Variants in ST8SIA2 observed in about 807,000 individuals in gnomAD.
The protein encoded by ST8SIA2 is alpha-2,8-sialyltransferase 8B.
ST8SIA2 carries 22 observed loss-of-function variants against 37.6 expected under a neutral mutation model. The observed-to-expected ratio is 0.58, with a 90% CI of 0.42 to 0.83. The LOEUF is 0.83. Among genes scored for constraint, ST8SIA2 ranks in the 40% least tolerant of loss-of-function variants. ST8SIA2 has a pLI of 0.00. For missense variants in ST8SIA2, 382 were observed against 484.7 expected, an observed-to-expected ratio of 0.79 and a Z score of 1.99; for synonymous variants, 205 against 201.2, an observed-to-expected ratio of 1.02 and a Z score of -0.16.
chr15:92,466,530 C>G lies in ST8SIA2; in HGVS notation c.*2145C>G, dbSNP rs1368557398. 1 of 152,286 alleles carries G rather than the reference C, an allele frequency of 6.6e-6. No individual in the cohort carries two copies. Among genetic ancestry groups the G allele is most frequent in the Non-Finnish European group, 1.5e-5 (1 of 68,134 alleles). The allele number at this position is 152,286 out of a possible 1,614,324, so 9.4% of individuals were successfully genotyped here. A position where few individuals can be genotyped will look rare whatever the true frequency, so the allele number is the denominator to read the frequency against. ...TGGAGTTGGCCCTGAGCTCTATCCA[C>G]CAAGCCAGCACCCCACCATCCCTTT... On this transcript the variant is annotated 3_prime_UTR_variant, in exon 6 of 6. Coordinates refer to ENST00000268164, the MANE Select transcript of ST8SIA2 (RefSeq NM_006011.4).
intron 1 of ST8SIA2, among the ~76,000 whole-genome samples, chr15:92,413,266 A>G (rs2049562944): frequency 6.6e-6 from 1 of 152,224 alleles, no homozygotes; most frequent in Admixed American, 6.5e-5. Flanking sequence ...CTCCTCTCAG[A>G]AAACTTTTAA....
chr15:92,407,197 G>A (rs1416834813), intron 1 of ST8SIA2, among the ~76,000 whole-genome samples: 1 of 152,154 alleles, frequency 6.6e-6, no homozygotes, highest in East Asian at 1.9e-4. Context: ...TTAGGAAACA[G>A]AAAAAGAACT....
At chr15:92,407,732 T>G (rs1399517780) in intron 1 of ST8SIA2, among the ~76,000 whole-genome samples, 9 of 152,184 alleles carry the variant, frequency 5.9e-5, no homozygotes, top group Admixed American at 3.3e-4. Flanking sequence ...CTCTTCCAGA[T>G]AAAGAAAGTC....
chr15:92,444,917 A>T lies in ST8SIA2; in HGVS notation c.830A>T (p.His277Leu). ...RTAYPSLRLL[H>L]AVRGYWLTNK... ...GCATACCCCTCGCTGCGCCTGCTGC[A>T]CGCCGTTCGCGGGTGAGCGGCCTCC... Residue 277 changes from histidine (H) to leucine (L), a missense_variant, in exon 5 of 6, where the codon CAC (histidine) becomes CTC (leucine). Transcript: ENST00000268164. The T allele has an allele frequency of 2.5e-6, 4 of 1,611,710 alleles. No homozygotes were observed. The highest frequency in any genetic ancestry group is 3.4e-6 in the Non-Finnish European group (4 of 1,180,034).
chr15:92,458,209 A>G (rs1046519318), intron 5 of ST8SIA2, among the ~76,000 whole-genome samples: 2 of 152,186 alleles, frequency 1.3e-5, no homozygotes, highest in Non-Finnish European at 2.9e-5. Flanking sequence ...CCAATCAGGG[A>G]TTCGGGGATC....
At chr15:92,398,847 T>C (rs1210256594) in intron 1 of ST8SIA2, among the ~76,000 whole-genome samples, 1 of 152,228 alleles carries the variant, frequency 6.6e-6, no homozygotes, top group African/African-American at 2.4e-5. Flanking sequence ...TGTTAACGAA[T>C]ATATCTGAAG....
At chr15:92,462,228 G>A (rs2049962575) in intron 5 of ST8SIA2, among the ~76,000 whole-genome samples, 1 of 152,192 alleles carries the variant, frequency 6.6e-6, no homozygotes, top group South Asian at 2.1e-4. Context: ...CCATAGTCGG[G>A]ATGGGGGGTG....
At chr15:92,441,882 G>A (rs867813804) in intron 4 of ST8SIA2, among the ~76,000 whole-genome samples, 67 of 152,172 alleles carry the variant, frequency 4.4e-4, no homozygotes, top group African/African-American at 1.5e-3. Context: ...GCCAGGCAGT[G>A]GACCAGGTAG....
chr15:92,434,682 G>A (rs1310034407), intron 3 of ST8SIA2, among the ~76,000 whole-genome samples: 1 of 152,210 alleles, frequency 6.6e-6, no homozygotes, highest in Non-Finnish European at 1.5e-5. Flanking sequence ...GAGGCCACAG[G>A]TGGCTGCTTC....
At chr15:92,435,969 C>G (rs565598900) in intron 3 of ST8SIA2, among the ~76,000 whole-genome samples, 1 of 152,254 alleles carries the variant, frequency 6.6e-6, no homozygotes, top group Non-Finnish European at 1.5e-5. Context: ...AAGGGAGAAC[C>G]CATCCTCTCA....
intron 1 of ST8SIA2, among the ~76,000 whole-genome samples, chr15:92,424,113 A>G (rs2049656566): frequency 6.6e-6 from 1 of 152,264 alleles, no homozygotes; most frequent in Admixed American, 6.5e-5. Flanking sequence ...CTGCAAATTC[A>G]TGAATTGTGC....
chr15:92,437,030 A>G (rs2049764083), intron 3 of ST8SIA2, among the ~76,000 whole-genome samples: 1 of 152,230 alleles, frequency 6.6e-6, no homozygotes, highest in South Asian at 2.1e-4. Flanking sequence ...AACGTACCAT[A>G]GGTTGTGAAC....
At chr15:92,405,017 T>C (rs2049497665) in intron 1 of ST8SIA2, among the ~76,000 whole-genome samples, 1 of 152,084 alleles carries the variant, frequency 6.6e-6, no homozygotes, top group South Asian at 2.1e-4. Flanking sequence ...TCCCAGCTCT[T>C]AGGGAGGCAC....
Position 92,434,352 on chromosome 15 carries a change from C to T in ST8SIA2, c.267C>T (p.Asn89=). The T allele has an allele frequency of 3.1e-6, 5 of 1,614,158 alleles. No individual in the cohort carries two copies. Among genetic ancestry groups the T allele is most frequent in the Non-Finnish European group, 4.2e-6 (5 of 1,180,036 alleles). Residue 89 remains asparagine (N), a synonymous_variant, in exon 3 of 6, where the codon AAC becomes AAT. Transcript: ENST00000268164. ...CAGCCTCGTCCAAATGGAGACATAA[C>T]CAGACGCTCTCTCTGAGGATCAGGT... ...IQPASSKWRH[N]QTLSLRIRKQ...
intron 1 of ST8SIA2, among the ~76,000 whole-genome samples, chr15:92,399,566 G>A (rs1330753557): frequency 2.0e-5 from 3 of 152,158 alleles, no homozygotes; most frequent in Non-Finnish European, 1.5e-5. Context: ...CAGGCACTCT[G>A]TAAGAAGTAC....
rs767023383 is a variant in ST8SIA2 at position 92,465,625 on chromosome 15, G to C, written c.*1240G>C. On this transcript the variant is annotated 3_prime_UTR_variant, in exon 6 of 6. Transcript: ENST00000268164. ...TGATGGTCACACTAGCCCACCCCAA[G>C]CTCCGACATTGAGGTTTTCATCTCT... The C allele has an allele frequency of 6.6e-6, 1 of 152,094 alleles. No individual in the cohort carries two copies. The allele number at this position is 152,094 out of a possible 1,614,324, so 9.4% of individuals were successfully genotyped here.
At chr15:92,460,538 G>A (rs765197460) in intron 5 of ST8SIA2, among the ~76,000 whole-genome samples, 1 of 152,182 alleles carries the variant, frequency 6.6e-6, no homozygotes, top group East Asian at 1.9e-4. Flanking sequence ...CAGTCCTCCT[G>A]CCTTTGCCCC....
At chr15:92,429,906 T>G in intron 1 of ST8SIA2, 143 bp from the exon 2 acceptor site, 1 of 871,996 alleles carries the variant, frequency 1.1e-6, no homozygotes, top group Non-Finnish European at 1.9e-6. Context: ...GGGCCAGGAC[T>G]TTGCCCATTC....
At chr15:92,443,497 C>A (rs918497546) in intron 4 of ST8SIA2, among the ~76,000 whole-genome samples, 1 of 152,220 alleles carries the variant, frequency 6.6e-6, no homozygotes, top group Non-Finnish European at 1.5e-5. Flanking sequence ...CCCCTCCAAT[C>A]CATACTGCAA....
Sources: gnomAD v4.1 joint callset for allele counts (sites outside exome capture counted in the v4.1 genomes callset) on GRCh38, gnomAD v4.1.1 for gene constraint, MANE v1.5 for transcripts, NCBI Gene and HGNC (gene_info 2026-07-23, HGNC 2026-07-21) for gene names.